Variants in PLS1 observed in about 807,000 individuals in gnomAD.
PLS1 encodes plastin 1.
Under a neutral mutation model 73.7 loss-of-function variants are expected in PLS1, and 32 were observed. That is an observed-to-expected ratio of 0.43 (90% CI 0.33 to 0.58). The LOEUF is 0.58. PLS1 is among the 20% of genes least tolerant of loss of function. The pLI is 0.04. For missense variants in PLS1, 633 were observed against 740.5 expected (o/e 0.85, Z 1.68); for synonymous variants, 217 against 261.3 (o/e 0.83, Z 1.63).
intron 1 of PLS1, among the ~76,000 whole-genome samples, chr3:142,615,597 C>G (rs190932370): frequency 6.6e-6 from 1 of 151,970 alleles, no homozygotes; most frequent in Non-Finnish European, 1.5e-5. Flanking sequence ...AGCCTGGGCC[C>G]GTGTCCAAAT....
At chr3:142,655,661 G>A (rs2107803971) in intron 1 of PLS1, among the ~76,000 whole-genome samples, 1 of 149,978 alleles carries the variant, frequency 6.7e-6, no homozygotes, top group Middle Eastern at 3.5e-3. Flanking sequence ...GGTGGAGGTT[G>A]CAGTGAGCTG....
chr3:142,681,783 C>T (rs1029852038), intron 6 of PLS1, among the ~76,000 whole-genome samples: 5 of 152,212 alleles, frequency 3.3e-5, no homozygotes, highest in South Asian at 4.1e-4. Context: ...TTAGTGTGGC[C>T]GTTCCATTCC....
At chr3:142,669,344 C>G (rs1342757207) in intron 2 of PLS1, 46 bp from the exon 3 acceptor site, 2 of 1,147,226 alleles carry the variant, frequency 1.7e-6, no homozygotes, top group African/African-American at 3.1e-5. Flanking sequence ...TTATTGTACA[C>G]CTTCAACAAA....
chr3:142,667,029 A>G (rs186281323), intron 2 of PLS1, among the ~76,000 whole-genome samples: 9 of 152,300 alleles, frequency 5.9e-5, no homozygotes, highest in Admixed American at 2.0e-4. Context: ...TTTCTTTTCA[A>G]ACTGTGATCT....
At chr3:142,604,492 A>G (rs1471475112) in intron 1 of PLS1, among the ~76,000 whole-genome samples, 1 of 152,190 alleles carries the variant, frequency 6.6e-6, no homozygotes, top group Non-Finnish European at 1.5e-5. Flanking sequence ...AGTGTTAATC[A>G]GGTCAGTGAG....
chr3:142,654,735 T>C (rs1320041701), intron 1 of PLS1: 2 of 152,198 alleles, frequency 1.3e-5, no homozygotes, highest in East Asian at 1.9e-4. Flanking sequence ...GTCAAATTAG[T>C]CTTTGTGCTT....
At chr3:142,687,704 T>C (rs147661734) in intron 9 of PLS1, among the ~76,000 whole-genome samples, 10 of 152,264 alleles carry the variant, frequency 6.6e-5, no homozygotes, top group African/African-American at 2.4e-4. Flanking sequence ...TCCTATATTA[T>C]TTTGAAGCAA....
chr3:142,669,231 A>G (rs2037548916), intron 2 of PLS1, among the ~76,000 whole-genome samples, 159 bp from the exon 3 acceptor site: 2 of 152,256 alleles, frequency 1.3e-5, no homozygotes, highest in Admixed American at 6.5e-5. Flanking sequence ...AGCATATAGC[A>G]TATTCTGTAC....
At chr3:142,708,056 ATAAGT>A (rs1932935369) in intron 14 of PLS1, among the ~76,000 whole-genome samples, 2 of 152,232 alleles carry the variant, frequency 1.3e-5, no homozygotes, top group Admixed American at 1.3e-4. Flanking sequence ...GTTAGACTAC[ATAAGT>A]TAACAAAATG....
chr3:142,709,814 G>A lies in PLS1; in HGVS notation c.1630-1687G>A, dbSNP rs147557080. Among the ~76,000 whole-genome samples, 676 of 83,072 alleles carry A rather than the reference G, an allele frequency of 8.1e-3. 6 individuals carry two copies. The highest frequency in any genetic ancestry group is 0.039 in the African/African-American group (648 of 16,652). 54.5% of individuals were successfully genotyped at this position (83,072 alleles called of 152,430 possible). On this transcript the variant is annotated intron_variant, in intron 14 of 15. Coordinates refer to ENST00000457734, the MANE Select transcript of PLS1 (RefSeq NM_001145319.2). Reference sequence around the variant, plus strand: ...CCTGGGCAACAGAGCGAGACTCTGCGTCAAAAAAAAAAAAAAAATTAATAA... The same window carrying A: ...CCTGGGCAACAGAGCGAGACTCTGCATCAAAAAAAAAAAAAAAATTAATAA...
chr3:142,598,829 C>G (rs1014665250), intron 1 of PLS1, among the ~76,000 whole-genome samples: 3 of 152,052 alleles, frequency 2.0e-5, no homozygotes, highest in Admixed American at 2.0e-4. Flanking sequence ...AACCCCATCT[C>G]TACTAAAAAT....
At chr3:142,646,555 C>T (rs1205657046) in intron 1 of PLS1, among the ~76,000 whole-genome samples, 1 of 152,246 alleles carries the variant, frequency 6.6e-6, no homozygotes, top group East Asian at 1.9e-4. Context: ...CCCTTTACTA[C>T]AGGCATGGGC....
intron 12 of PLS1, among the ~76,000 whole-genome samples, chr3:142,700,054 A>G (rs1483635577): frequency 6.6e-6 from 1 of 152,218 alleles, no homozygotes; most frequent in Non-Finnish European, 1.5e-5. Context: ...CTGGAATTTT[A>G]ATGTGAACTA....
At chr3:142,666,758 C>T (rs1191323531) in intron 2 of PLS1, among the ~76,000 whole-genome samples, 1 of 152,184 alleles carries the variant, frequency 6.6e-6, no homozygotes, top group Non-Finnish European at 1.5e-5. Flanking sequence ...TTTACATTCC[C>T]ACCAGTGGTG....
Position 142,679,029 on chromosome 3 carries a change from A to G in PLS1, c.579+916A>G, listed in dbSNP as rs1021519305. On this transcript the variant is annotated intron_variant, in intron 6 of 15. Coordinates refer to ENST00000457734, the MANE Select transcript of PLS1 (RefSeq NM_001145319.2). ...TGCATTTCTCTGATGGCCAGTGATG[A>G]TGAGCATTTTTTCATGTGTTTTTTG... 5.3e-5 allele frequency among the ~76,000 whole-genome samples: 8 copies of G among 151,616 alleles called. No homozygotes were observed. The East Asian group carries it at 1.2e-3, about 22-fold the overall frequency.
intron 1 of PLS1, among the ~76,000 whole-genome samples, chr3:142,637,215 A>G (rs1707734862): frequency 1.3e-5 from 2 of 152,224 alleles, no homozygotes; most frequent in Admixed American, 1.3e-4. Context: ...ATATAAAGGA[A>G]TGAACTATTA....
Position 142,684,333 on chromosome 3 carries a change from G to C in PLS1, c.826G>C (p.Val276Leu). ...TCCCGAGGAATTACTGCTGCGATGG[G>C]TGAACTACCATCTGACCAATGCAGG... ...LSPEELLLRW[V>L]NYHLTNAGWH... Residue 276 changes from valine (V) to leucine (L), a missense_variant, in exon 8 of 16, where the codon GTG (valine) becomes CTG (leucine). Physicochemically the swap from Val to Leu is conservative, Grantham distance 32. Coordinates refer to ENST00000457734, the MANE Select transcript of PLS1 (RefSeq NM_001145319.2). 1 of 1,613,230 alleles carries C rather than the reference G, an allele frequency of 6.2e-7. No homozygotes were observed. The highest frequency in any genetic ancestry group is 2.2e-5 in the East Asian group (1 of 44,862).
intron 1 of PLS1, among the ~76,000 whole-genome samples, chr3:142,627,113 C>T (rs2036445797): frequency 6.6e-6 from 1 of 152,166 alleles, no homozygotes; most frequent in Admixed American, 6.5e-5. Flanking sequence ...ATATTTACTT[C>T]CTACACTCTG....
At chr3:142,677,127 A>G (rs965146069) in intron 5 of PLS1, among the ~76,000 whole-genome samples, 2 of 152,160 alleles carry the variant, frequency 1.3e-5, no homozygotes, top group African/African-American at 2.4e-5. Flanking sequence ...TTTAAAAGGT[A>G]AAATTCTAAA....
Sources: gnomAD v4.1 joint callset for allele counts (sites outside exome capture counted in the v4.1 genomes callset) on GRCh38, gnomAD v4.1.1 for gene constraint, MANE v1.5 for transcripts, NCBI Gene and HGNC (gene_info 2026-07-23, HGNC 2026-07-21) for gene names.